Variants in DNAH2 observed in about 807,000 individuals in gnomAD.
DNAH2 encodes the protein dynein axonemal heavy chain 2, also known as axonemal beta dynein heavy chain 2.
A neutral mutation model predicts 523.5 loss-of-function variants in DNAH2; 323 were observed. That is an observed-to-expected ratio of 0.62 (90% CI 0.56 to 0.68). The LOEUF (loss-of-function observed/expected upper bound fraction) is 0.68. DNAH2 is among the 30% of genes least tolerant of loss of function. The pLI, the probability that DNAH2 is intolerant of heterozygous loss-of-function variation, is 0.00. For synonymous variants in DNAH2, 2,093 were observed against 2,177.4 expected, an observed-to-expected ratio of 0.96 and a Z score of 1.08; for missense variants, 4,907 against 5,701.5, an observed-to-expected ratio of 0.86 and a Z score of 4.49.
Position 7,821,102 on chromosome 17 carries a change from C to T in DNAH2, c.11016-141C>T. 1 of 1,189,218 alleles carries T rather than the reference C, an allele frequency of 8.4e-7. No individual in the cohort carries two copies. Among genetic ancestry groups the T allele is most frequent in the Non-Finnish European group, 1.1e-6 (1 of 871,180 alleles). 73.7% of individuals were successfully genotyped at this position (1,189,218 alleles called of 1,614,324 possible). A position where few individuals can be genotyped will look rare whatever the true frequency, so the allele number is the denominator to read the frequency against. ...TCTTGTGTCTAGGCCCCTGAGTCCT[C>T]AGCTGTTTCCAGGAGGTTAGGATTA... is the stretch of plus-strand genomic sequence containing the variant. On this transcript the variant is annotated intron_variant, in intron 72 of 85. Transcript: ENST00000572933. This position sits in a 1 kb window ranked among gnomAD's most constrained non-coding sequence, Gnocchi z 5.0.
rs187365174 is a variant in DNAH2 at position 7,749,797 on chromosome 17, C to G, written c.1904+6655C>G. ...GGATCACGAGGTCAGGAGTTCGAGA[C>G]CAGCCTGGCCAACATGGTGAAACCC... On this transcript the variant is annotated intron_variant, in intron 12 of 85. Coordinates refer to ENST00000572933, the MANE Select transcript of DNAH2 (RefSeq NM_020877.5). Among the ~76,000 whole-genome samples the G allele has an allele frequency of 3.1e-3, 472 of 152,102 alleles. 3 individuals carry two copies. Among genetic ancestry groups the G allele is most frequent in the African/African-American group, 0.011 (461 of 41,476 alleles).
chr17:7,732,994 G>C (rs939683862), intron 4 of DNAH2, 93 bp from the exon 5 acceptor site: 1 of 1,264,134 alleles, frequency 7.9e-7, no homozygotes, highest in Admixed American at 1.9e-5. Flanking sequence ...AGGATACCCT[G>C]AGGGACGTGA....
intron 18 of DNAH2, among the ~76,000 whole-genome samples, chr17:7,763,019 AG>A (rs1412186224): frequency 6.6e-6 from 1 of 151,638 alleles, no homozygotes; most frequent in Non-Finnish European, 1.5e-5. Flanking sequence ...CCTGTCACCC[AG>A]GCTGGAGTGC....
intron 33 of DNAH2, 37 bp from the exon 34 acceptor site, chr17:7,778,040 A>C (rs1265310108): frequency 3.2e-6 from 5 of 1,571,678 alleles, no homozygotes; most frequent in Middle Eastern, 1.7e-4. Flanking sequence ...TCTCCTTCCA[A>C]GCCCACCTCT....
chr17:7,787,695 C>T, intron 42 of DNAH2, 165 bp from the exon 43 acceptor site: 1 of 885,826 alleles, frequency 1.1e-6, no homozygotes, highest in Non-Finnish European at 1.6e-6. Flanking sequence ...AAGATCACGC[C>T]ACTGCACTCC....
intron 48 of DNAH2, among the ~76,000 whole-genome samples, chr17:7,793,880 C>T (rs781193611): frequency 1.4e-4 from 21 of 151,760 alleles, no homozygotes; most frequent in Non-Finnish European, 2.8e-4. Flanking sequence ...TGAGAGAGAA[C>T]ATACACACAC....
chr17:7,816,394 C>T (rs2077666415), intron 63 of DNAH2, among the ~76,000 whole-genome samples, 177 bp from the exon 64 acceptor site: 1 of 152,190 alleles, frequency 6.6e-6, no homozygotes, highest in Non-Finnish European at 1.5e-5. Context: ...CTCATTTACT[C>T]TTCACGATAA....
intron 28 of DNAH2, among the ~76,000 whole-genome samples, chr17:7,771,797 A>G (rs1201475092): frequency 6.6e-6 from 1 of 151,940 alleles, no homozygotes; most frequent in Non-Finnish European, 1.5e-5. Context: ...GCTCACTGCA[A>G]TCTCTGCCTC....
chr17:7,762,737 C>T (rs565027156), intron 18 of DNAH2, among the ~76,000 whole-genome samples: 14 of 152,160 alleles, frequency 9.2e-5, no homozygotes, highest in African/African-American at 3.4e-4. Context: ...TCCATGAGCA[C>T]GTTCACCCCA....
In DNAH2 at chr17:7,804,335, A is replaced by G. The variant is rs757118814; in HGVS notation, c.9052A>G (p.Arg3018Gly). The change falls in exon 59 of 86, where the codon AGG becomes GGG. Residue 3018 changes from arginine to glycine, a missense_variant. Arg to Gly is a moderately radical substitution (Grantham distance 125, BLOSUM62 -2). Transcript: ENST00000572933. ...AGGCTTGTTCAAGATCGACGAAACTAGGGAAAAGGTGCAAGTGATGTCGTT... is the reference window on the plus strand; with the variant it reads ...AGGCTTGTTCAAGATCGACGAAACTGGGGAAAAGGTGCAAGTGATGTCGTT... ...RTGLFKIDET[R>G]EKVQVMSLEL... is the part of the protein sequence containing the mutation. 1 of 1,614,184 alleles carries G rather than the reference A, an allele frequency of 6.2e-7. No homozygotes were observed. Among genetic ancestry groups the G allele is most frequent in the African/African-American group, 1.3e-5 (1 of 75,048 alleles).
At chr17:7,736,596 G>T (rs1403317545) in intron 7 of DNAH2, among the ~76,000 whole-genome samples, 2 of 152,196 alleles carry the variant, frequency 1.3e-5, no homozygotes, top group East Asian at 3.8e-4. Context: ...TGGTCCGAAG[G>T]CTCACAGAGA....
At position 7,760,972 on chromosome 17, in the gene DNAH2, G is replaced by T; in HGVS notation, c.2978+40G>T. 6.2e-7 allele frequency: 1 copy of T among 1,605,788 alleles called. No individual in the cohort carries two copies. Among genetic ancestry groups the T allele is most frequent in the Non-Finnish European group, 8.5e-7 (1 of 1,175,220 alleles). ...TGGATTGAAAGTCTGTCTGTAGGAGGCACAGCACTGCAGGAGGAGCCCAGG... is the reference window on the plus strand; with the variant it reads ...TGGATTGAAAGTCTGTCTGTAGGAGTCACAGCACTGCAGGAGGAGCCCAGG... On this transcript the variant is annotated intron_variant, in intron 18 of 85. Transcript: ENST00000572933. This position sits in a 1 kb window ranked among gnomAD's most constrained non-coding sequence, Gnocchi z 4.0.
At chr17:7,723,735 G>C in intron 3 of DNAH2, 46 bp downstream of exon 3, 1 of 1,551,388 alleles carries the variant, frequency 6.4e-7, no homozygotes, top group Non-Finnish European at 8.9e-7. Flanking sequence ...CCCCAAAACT[G>C]GTGAATCAAA....
Position 7,816,631 on chromosome 17 carries a change from G to T in DNAH2, c.9790G>T (p.Glu3264Ter). ...TGATGAGAAGCTGGCACAGAAGGAG[G>T]AGCTTCGCAAGAAGTCTGAAGAGAT... is the stretch of plus-strand genomic sequence containing the variant. Reference protein sequence around the residue: ...QYDEKLAQKEELRKKSEEMEL... With the variant: ...QYDEKLAQKE The change falls in exon 64 of 86, where the codon GAG becomes TAG. Residue 3264 changes from glutamate to a stop codon, truncating the protein, a stop_gained. Transcript: ENST00000572933. LOFTEE classifies it high-confidence loss of function. The T allele has an allele frequency of 1.2e-6, 2 of 1,614,220 alleles. No individual in the cohort carries two copies. Among genetic ancestry groups the T allele is most frequent in the Non-Finnish European group, 1.7e-6 (2 of 1,180,046 alleles).
At position 7,769,152 on chromosome 17, in the gene DNAH2, T is replaced by C. The variant is rs373201249; in HGVS notation, c.3941+885T>C. Among the ~76,000 whole-genome samples, 90 of 152,266 alleles carry C rather than the reference T, an allele frequency of 5.9e-4. 1 individual carries two copies. The Middle Eastern group carries it at 0.014, about 23-fold the overall frequency. On this transcript the variant is annotated intron_variant, in intron 24 of 85. Coordinates refer to ENST00000572933, the MANE Select transcript of DNAH2 (RefSeq NM_020877.5). ...AGTTGTCTATCATGACTAAGTCTTA[T>C]GTCTTTTTTTTTCCTTTTTTTGTGG... is the stretch of plus-strand genomic sequence containing the variant.
chr17:7,792,238 C>T lies in DNAH2; in HGVS notation c.7054-14C>T, dbSNP rs2076917931. 1 of 1,612,750 alleles carries T rather than the reference C, an allele frequency of 6.2e-7. No individual in the cohort carries two copies. Among genetic ancestry groups the T allele is most frequent in the African/African-American group, 1.3e-5 (1 of 74,868 alleles). Reference sequence around the variant, plus strand: ...AGGAAGGCTTTGGTAACCTGACCTACATGCCCTCCTTAGGACACGGTATAT... The same window carrying T: ...AGGAAGGCTTTGGTAACCTGACCTATATGCCCTCCTTAGGACACGGTATAT... On this transcript the variant is annotated splice_polypyrimidine_tract_variant and intron_variant, in intron 45 of 85. Coordinates refer to ENST00000572933, the MANE Select transcript of DNAH2 (RefSeq NM_020877.5).
Position 7,795,940 on chromosome 17 carries a change from T to C in DNAH2, c.7675-524T>C, listed in dbSNP as rs1352355061. ...TGAACCCGGGAGGCGGAAGTTGCAG[T>C]ATAAATAAATAAATAAATAAATATA... On this transcript the variant is annotated intron_variant, in intron 49 of 85. Coordinates refer to ENST00000572933, the MANE Select transcript of DNAH2 (RefSeq NM_020877.5). 4.8e-5 allele frequency among the ~76,000 whole-genome samples: 7 copies of C among 147,200 alleles called. No individual in the cohort carries two copies. In the East Asian group the frequency reaches 1.4e-3, roughly 29 times the overall value.
chr17:7,815,792 T>C (rs1194294145), intron 63 of DNAH2, among the ~76,000 whole-genome samples: 1 of 152,064 alleles, frequency 6.6e-6, no homozygotes, highest in Non-Finnish European at 1.5e-5. Context: ...CAAGGCTCTA[T>C]CAGTTCTCTC....
chr17:7,831,538 T>C lies in DNAH2; in HGVS notation c.12608T>C (p.Ile4203Thr), dbSNP rs557806275. 20 of 1,614,060 alleles carry C rather than the reference T, an allele frequency of 1.2e-5. No individual in the cohort carries two copies. The East Asian group carries it at 3.3e-4, about 27-fold the overall frequency. ...IQRYNTLMQT[I>T]LFSLTDLEKG... ...AGATACAACACACTGATGCAGACCA[T>C]CCTGTAAGACAGAGGGGGACTCTGC... is the stretch of plus-strand genomic sequence containing the variant. Residue 4203 changes from isoleucine to threonine, a missense_variant, in exon 81 of 86, where the codon ATC becomes ACC. Ile to Thr is a moderately conservative substitution (Grantham distance 89). Coordinates refer to ENST00000572933, the MANE Select transcript of DNAH2 (RefSeq NM_020877.5). The surrounding 1 kb of genome is among the most constrained non-coding windows in gnomAD (Gnocchi z 4.2).
Sources: gnomAD v4.1 joint callset for allele counts (sites outside exome capture counted in the v4.1 genomes callset) on GRCh38, gnomAD v4.1.1 for gene constraint, Gnocchi (gnomAD v3.1) non-coding constraint, MANE v1.5 for transcripts, NCBI Gene and HGNC (gene_info 2026-07-23, HGNC 2026-07-21) for gene names.